Variants in GBE1 observed in about 807,000 individuals in gnomAD.
GBE1 encodes the protein 1,4-alpha-glucan-branching enzyme.
In GBE1, 70 loss-of-function variants were observed where a neutral mutation model predicts 88.8. The observed-to-expected ratio is 0.79, with a 90% CI of 0.65 to 0.96. The LOEUF (loss-of-function observed/expected upper bound fraction) is 0.96. Among genes scored for constraint, GBE1 ranks in the 40% least tolerant of loss-of-function variants. The probability of loss-of-function intolerance (pLI) is 0.00; values close to 1 mark genes in which losing one functional copy is unlikely to be tolerated. For missense variants in GBE1, 872 were observed against 871.0 expected (o/e 1.00, Z -0.01); for synonymous variants, 284 against 300.1 (o/e 0.95, Z 0.56).
chr3:81,556,314 C>T (rs1403597521), intron 12 of GBE1, among the ~76,000 whole-genome samples: 2 of 151,394 alleles, frequency 1.3e-5, no homozygotes, highest in Admixed American at 6.6e-5. Context: ...AATTCCTCAC[C>T]TAGAGAGTAA....
intron 9 of GBE1, among the ~76,000 whole-genome samples, chr3:81,588,274 A>G (rs894356904): frequency 6.6e-6 from 1 of 152,166 alleles, no homozygotes; most frequent in African/African-American, 2.4e-5. Context: ...CATTCTATTT[A>G]TCAAAATATA....
chr3:81,708,613 T>A (rs1485326209), intron 1 of GBE1, among the ~76,000 whole-genome samples: 1 of 152,064 alleles, frequency 6.6e-6, no homozygotes, highest in East Asian at 1.9e-4. Context: ...GCTATGAAAA[T>A]TTCAAAATCA....
intron 7 of GBE1, among the ~76,000 whole-genome samples, chr3:81,631,759 A>AC (rs58203560): frequency 6.6e-6 from 1 of 151,232 alleles, no homozygotes; most frequent in African/African-American, 2.4e-5. Context: ...AAAAAAAAAA[A>AC]CATAAAAAAT....
chr3:81,639,393 A>G (rs988240346), intron 7 of GBE1, among the ~76,000 whole-genome samples: 2 of 152,074 alleles, frequency 1.3e-5, no homozygotes, highest in Non-Finnish European at 2.9e-5. Context: ...GATAATTCTC[A>G]TAACAGAAAT....
intron 9 of GBE1, among the ~76,000 whole-genome samples, chr3:81,586,718 T>C (rs974687953): frequency 3.3e-5 from 5 of 152,026 alleles, no homozygotes; most frequent in Admixed American, 1.3e-4. Context: ...TGAGATTAGG[T>C]AGGGATTATC....
In GBE1 at chr3:81,627,766, TAA is replaced by T. The variant is rs869068286; in HGVS notation, c.992+15013_992+15014del. ...TTTTACATATATATATATATATATATAAAAAACATATATATTTGTTGTTGTTG... is the reference window on the plus strand; with the variant it reads ...TTTTACATATATATATATATATATATAAAACATATATATTTGTTGTTGTTG... On this transcript the variant is annotated intron_variant, in intron 7 of 15. Coordinates refer to ENST00000429644, the MANE Select transcript of GBE1 (RefSeq NM_000158.4). Among the ~76,000 whole-genome samples the T allele has an allele frequency of 7.7e-3, 505 of 65,924 alleles. 4 individuals carry two copies. The East Asian group carries it at 0.29, about 38-fold the overall frequency. The allele number at this position is 65,924 out of a possible 152,430, so 43.2% of individuals were successfully genotyped here.
chr3:81,671,044 C>T (rs1057488257), intron 2 of GBE1, 91 bp from the exon 3 acceptor site: 2 of 530,554 alleles, frequency 3.8e-6, no homozygotes, highest in East Asian at 3.5e-5. Flanking sequence ...TTTACTTGCA[C>T]AAAAAATCAA....
chr3:81,760,801 C>A (rs1706668839), intron 1 of GBE1, among the ~76,000 whole-genome samples: 3 of 152,066 alleles, frequency 2.0e-5, no homozygotes, highest in Non-Finnish European at 4.4e-5. Context: ...CAATGTTGAT[C>A]CAAGGGGAGA....
chr3:81,594,369 G>GA (rs1467574812), intron 7 of GBE1, among the ~76,000 whole-genome samples: 1 of 151,814 alleles, frequency 6.6e-6, no homozygotes, highest in African/African-American at 2.4e-5. Flanking sequence ...AGTAGTGCTC[G>GA]AAAAAAGCAA....
chr3:81,618,831 A>C (rs979573231), intron 7 of GBE1, among the ~76,000 whole-genome samples: 1 of 152,132 alleles, frequency 6.6e-6, no homozygotes, highest in African/African-American at 2.4e-5. Context: ...CTACAGCTAA[A>C]GTTATTGATG....
chr3:81,588,164 C>A (rs1703824984), intron 9 of GBE1, among the ~76,000 whole-genome samples: 1 of 151,148 alleles, frequency 6.6e-6, no homozygotes, highest in Non-Finnish European at 1.5e-5. Flanking sequence ...TAGAATACAT[C>A]CATAAGAAAA....
intron 15 of GBE1, among the ~76,000 whole-genome samples, chr3:81,497,052 C>CT: frequency 6.6e-6 from 1 of 152,292 alleles, no homozygotes; most frequent in African/African-American, 2.4e-5. Flanking sequence ...ATGAGACATT[C>CT]TTTATTCTAC....
chr3:81,552,334 A>G (rs2106896165), intron 12 of GBE1, among the ~76,000 whole-genome samples: 1 of 152,284 alleles, frequency 6.6e-6, no homozygotes, highest in Non-Finnish European at 1.5e-5. Context: ...CCTGGCCAGC[A>G]TGGCGAAATC....
intron 2 of GBE1, among the ~76,000 whole-genome samples, chr3:81,691,203 T>G (rs1705514698): frequency 6.6e-6 from 1 of 152,192 alleles, no homozygotes; most frequent in Non-Finnish European, 1.5e-5. Flanking sequence ...GAGAAAAGAT[T>G]AACAACTCTA....
chr3:81,638,296 G>A (rs1256460228), intron 7 of GBE1, among the ~76,000 whole-genome samples: 2 of 152,040 alleles, frequency 1.3e-5, no homozygotes, highest in Admixed American at 1.3e-4. Flanking sequence ...CCAAACATAA[G>A]TTTAAGGAGG....
At chr3:81,494,238 T>C (rs530089919) in intron 15 of GBE1, among the ~76,000 whole-genome samples, 5 of 152,296 alleles carry the variant, frequency 3.3e-5, no homozygotes, top group Non-Finnish European at 7.4e-5. Flanking sequence ...CTTCTGAGTA[T>C]GTAAATCAAT....
At chr3:81,571,740 T>C (rs951705362) in intron 12 of GBE1, among the ~76,000 whole-genome samples, 2 of 152,178 alleles carry the variant, frequency 1.3e-5, no homozygotes, top group Non-Finnish European at 2.9e-5. Flanking sequence ...GTACTAAAAG[T>C]GATTCAGGTC....
intron 14 of GBE1, among the ~76,000 whole-genome samples, chr3:81,523,361 A>G (rs535135143): frequency 6.6e-6 from 1 of 151,524 alleles, no homozygotes; most frequent in Admixed American, 6.6e-5. Flanking sequence ...TAAAATTGTT[A>G]TGGGTATATA....
At chr3:81,739,104 A>C (rs1341187322) in intron 1 of GBE1, among the ~76,000 whole-genome samples, 2 of 152,172 alleles carry the variant, frequency 1.3e-5, no homozygotes, top group Non-Finnish European at 2.9e-5. Context: ...ATGAGGGTAG[A>C]ACCCTCAGGA....
Sources: allele counts gnomAD v4.1 joint callset (sites outside exome capture counted in the v4.1 genomes callset), GRCh38; gene constraint gnomAD v4.1.1; transcripts MANE v1.5; gene names NCBI Gene and HGNC (gene_info 2026-07-23, HGNC 2026-07-21).